The following ATRNL1 variants were observed in gnomAD, a reference collection of about 807,000 sequenced individuals.
ATRNL1 encodes attractin like 1, also known as attractin-like protein 1.
ATRNL1 carries 95 observed loss-of-function variants against 182.7 expected under a neutral mutation model. The observed-to-expected ratio is 0.52, with a 90% CI of 0.44 to 0.62. ATRNL1 has a LOEUF of 0.62. ATRNL1 is among the 20% of genes least tolerant of loss of function. The probability of loss-of-function intolerance (pLI) is 0.00; values close to 1 mark genes in which losing one functional copy is unlikely to be tolerated. For missense variants in ATRNL1, 1,471 were observed against 1,679.5 expected (o/e 0.88, Z 2.17); for synonymous variants, 576 against 568.3 (o/e 1.01, Z -0.19).
intron 20 of ATRNL1, among the ~76,000 whole-genome samples, chr10:115,415,030 T>C (rs1158453839): frequency 2.0e-5 from 3 of 152,060 alleles, no homozygotes; most frequent in African/African-American, 7.2e-5. Flanking sequence ...TTTATAATAT[T>C]GGAGGTTTTT....
At chr10:115,501,458 AG>A (rs1268499722) in intron 24 of ATRNL1, among the ~76,000 whole-genome samples, 1 of 152,172 alleles carries the variant, frequency 6.6e-6, no homozygotes, top group East Asian at 1.9e-4. Flanking sequence ...TGGCTCCATA[AG>A]TTGTTTGATT....
intron 18 of ATRNL1, among the ~76,000 whole-genome samples, chr10:115,333,079 A>G (rs782064124): frequency 2.6e-5 from 4 of 152,238 alleles, no homozygotes; most frequent in Non-Finnish European, 4.4e-5. Context: ...CAGAACAGAT[A>G]CCAACTACAA....
At chr10:115,338,998 T>A (rs1554937517) in intron 19 of ATRNL1, among the ~76,000 whole-genome samples, 1 of 152,236 alleles carries the variant, frequency 6.6e-6, no homozygotes, top group Non-Finnish European at 1.5e-5. Flanking sequence ...CCAGTATATG[T>A]TCTGGTCACC....
chr10:115,707,514 G>A (rs558912942), intron 26 of ATRNL1, among the ~76,000 whole-genome samples: 5 of 151,278 alleles, frequency 3.3e-5, no homozygotes, highest in East Asian at 1.9e-4. Flanking sequence ...CCATCTCCCC[G>A]TATCCCCCAA....
chr10:115,674,899 T>G (rs1945812085), intron 26 of ATRNL1, among the ~76,000 whole-genome samples: 2 of 152,126 alleles, frequency 1.3e-5, no homozygotes, highest in Admixed American at 1.3e-4. Flanking sequence ...TATAACCCAG[T>G]TAAAATACCA....
intron 26 of ATRNL1, among the ~76,000 whole-genome samples, chr10:115,629,440 A>C (rs151337142): frequency 2.0e-5 from 3 of 152,264 alleles, no homozygotes; most frequent in Non-Finnish European, 4.4e-5. Flanking sequence ...GCCAGACATG[A>C]TGTTTTCAAG....
intron 8 of ATRNL1, among the ~76,000 whole-genome samples, chr10:115,194,634 T>C (rs1461446210): frequency 5.3e-5 from 8 of 151,904 alleles, no homozygotes; most frequent in South Asian, 2.1e-4. Flanking sequence ...TGGGGTCTTA[T>C]TTTTTATCCA....
chr10:115,223,887 A>ATATGTGTGTGTG (rs1554771070), intron 9 of ATRNL1, among the ~76,000 whole-genome samples: 913 of 80,124 alleles, frequency 0.011, 39 homozygotes, highest in African/African-American at 0.045. Flanking sequence ...TATTTAATAT[A>ATATGTGTGTGTG]TGTGTGTGTG....
intron 26 of ATRNL1, among the ~76,000 whole-genome samples, chr10:115,669,320 A>G (rs1293821047): frequency 1.3e-5 from 2 of 152,144 alleles, no homozygotes; most frequent in Non-Finnish European, 2.9e-5. Flanking sequence ...TATAGCAGAT[A>G]CAACCTGTTA....
intron 18 of ATRNL1, among the ~76,000 whole-genome samples, chr10:115,333,570 C>G (rs946046554): frequency 6.7e-6 from 1 of 149,756 alleles, no homozygotes; most frequent in African/African-American, 2.5e-5. Flanking sequence ...TGCAACATCT[C>G]TCTCCCAGGT....
chr10:115,545,702 C>A (rs1852614365), intron 25 of ATRNL1, among the ~76,000 whole-genome samples: 1 of 152,090 alleles, frequency 6.6e-6, no homozygotes, highest in Non-Finnish European at 1.5e-5. Context: ...AATTATTAAT[C>A]ATATAAAAAT....
At chr10:115,754,366 G>A (rs1948528511) in intron 27 of ATRNL1, among the ~76,000 whole-genome samples, 1 of 152,082 alleles carries the variant, frequency 6.6e-6, no homozygotes, top group African/African-American at 2.4e-5. Context: ...GTAAGGAAGG[G>A]ATCCAGTTTC....
In ATRNL1 at chr10:115,194,270, C is replaced by G. The variant is rs150455205; in HGVS notation, c.1349-21427C>G. On this transcript the variant is annotated intron_variant, in intron 8 of 28. Transcript: ENST00000355044. ...TTTGTTGATTTTCTGTCTGGATGAT[C>G]TGTCCAATCCTAAAAATGTGCTGTT... 5.0e-3 allele frequency among the ~76,000 whole-genome samples: 763 copies of G among 152,098 alleles called. 4 individuals carry two copies. Among genetic ancestry groups the G allele is most frequent in the African/African-American group, 0.016 (675 of 41,534 alleles).
chr10:115,247,593 C>T lies in ATRNL1; in HGVS notation c.1687+5868C>T, dbSNP rs149732420. Among the ~76,000 whole-genome samples, 979 of 152,202 alleles carry T rather than the reference C, an allele frequency of 6.4e-3. 11 individuals are homozygous for T. The highest frequency in any genetic ancestry group is 0.022 in the African/African-American group (925 of 41,552). ...TTGATGGAAATGTAAGCTAGTACAGCCACTATGGAGAATAGTATGGAGGTT... is the reference window on the plus strand; with the variant it reads ...TTGATGGAAATGTAAGCTAGTACAGTCACTATGGAGAATAGTATGGAGGTT... On this transcript the variant is annotated intron_variant, in intron 10 of 28. Coordinates refer to ENST00000355044, the MANE Select transcript of ATRNL1 (RefSeq NM_207303.4).
chr10:115,735,863 A>G (rs1162658453), intron 27 of ATRNL1, among the ~76,000 whole-genome samples: 1 of 152,220 alleles, frequency 6.6e-6, no homozygotes, highest in Non-Finnish European at 1.5e-5. Context: ...CAGATAACTG[A>G]AACCATGGAA....
intron 22 of ATRNL1, among the ~76,000 whole-genome samples, chr10:115,466,620 C>T (rs1848064588): frequency 6.6e-6 from 1 of 151,218 alleles, no homozygotes; most frequent in Non-Finnish European, 1.5e-5. Flanking sequence ...CAGTGTTCCT[C>T]TCTATAACTG....
At chr10:115,251,645 A>C (rs1349944653) in intron 10 of ATRNL1, among the ~76,000 whole-genome samples, 2 of 152,138 alleles carry the variant, frequency 1.3e-5, no homozygotes, top group Non-Finnish European at 2.9e-5. Flanking sequence ...GGCCCTTTCC[A>C]TAGATAAAAT....
chr10:115,702,040 A>T (rs1946753550), intron 26 of ATRNL1, among the ~76,000 whole-genome samples: 1 of 152,104 alleles, frequency 6.6e-6, no homozygotes, highest in South Asian at 2.1e-4. Context: ...TAGCAAATTG[A>T]ATCCAGCAGC....
intron 25 of ATRNL1, among the ~76,000 whole-genome samples, chr10:115,537,212 A>T (rs1366015494): frequency 2.0e-5 from 3 of 152,188 alleles, no homozygotes; most frequent in Non-Finnish European, 4.4e-5. Flanking sequence ...ACTTAGTTAA[A>T]CCAGTGCTCC....
Sources: gnomAD v4.1 joint callset for allele counts (sites outside exome capture counted in the v4.1 genomes callset) on GRCh38, gnomAD v4.1.1 for gene constraint, MANE v1.5 for transcripts, NCBI Gene and HGNC (gene_info 2026-07-23, HGNC 2026-07-21) for gene names.